The following SBNO1 variants were observed in gnomAD, a reference collection of about 807,000 sequenced individuals.
The protein encoded by SBNO1 is protein strawberry notch homolog 1.
A neutral mutation model predicts 173.6 loss-of-function variants in SBNO1; 23 were observed. The ratio of observed to expected loss-of-function variants is 0.13; its 90% CI spans 0.10 to 0.19. SBNO1 has a LOEUF of 0.19. Among genes scored for constraint, SBNO1 ranks in the 10% least tolerant of loss-of-function variants. The pLI is 1.00. For synonymous variants in SBNO1, 632 were observed against 571.5 expected (o/e 1.11, Z -1.51); for missense variants, 1,238 against 1,671.2 (o/e 0.74, Z 4.52).
At chr12:123,307,146 G>A (rs1302231430) in intron 28 of SBNO1, among the ~76,000 whole-genome samples, 3 of 150,250 alleles carry the variant, frequency 2.0e-5, no homozygotes, top group African/African-American at 4.9e-5. Flanking sequence ...CCATGATCAC[G>A]CACGCCACTG....
rs183544398 is a variant in SBNO1 at position 123,310,969 on chromosome 12, T to C, written c.3295+86A>G. 9.0e-4 allele frequency: 902 copies of C among 1,003,308 alleles called. 1 individual carries two copies. Among genetic ancestry groups the C allele is most frequent in the Middle Eastern group, 2.7e-3 (13 of 4,816 alleles). 62.2% of individuals were successfully genotyped at this position (1,003,308 alleles called of 1,614,324 possible). A position where few individuals can be genotyped will look rare whatever the true frequency, so the allele number is the denominator to read the frequency against. On this transcript the variant is annotated intron_variant, in intron 25 of 31. Coordinates refer to ENST00000602398, the MANE Select transcript of SBNO1 (RefSeq NM_001167856.3). ...CCAGAATGTTTTAAGAACATGAAGC[T>C]TCCCCTTCAGCTCAAAAGCATATAT...
chr12:123,346,685 T>C (rs1249884470), intron 3 of SBNO1, among the ~76,000 whole-genome samples: 1 of 150,886 alleles, frequency 6.6e-6, no homozygotes, highest in Non-Finnish European at 1.5e-5. Context: ...AATAAAAGAA[T>C]AAAAATAATA....
intron 25 of SBNO1, 108 bp downstream of exon 25, chr12:123,310,947 G>C: frequency 1.2e-6 from 1 of 836,546 alleles, no homozygotes; most frequent in South Asian, 1.5e-5. Flanking sequence ...AAACCACCCA[G>C]AATGTTTTAA....
chr12:123,331,815 C>T (rs928002622), intron 7 of SBNO1, among the ~76,000 whole-genome samples: 3 of 151,924 alleles, frequency 2.0e-5, no homozygotes, highest in Non-Finnish European at 4.4e-5. Flanking sequence ...GCACTGCACC[C>T]AGCCAAATTT....
chr12:123,336,479 C>G lies in SBNO1; in HGVS notation c.664G>C (p.Val222Leu). The G allele has an allele frequency of 6.2e-7, 1 of 1,610,334 alleles. No individual in the cohort carries two copies. Among genetic ancestry groups the G allele is most frequent in the Non-Finnish European group, 8.5e-7 (1 of 1,177,742 alleles). ...SFSPTMKVPV[V>L]KEDDEPEEED... ...TCCTCTGGTTCATCATCTTCTTTTACAACAGGAACCTTCTGCAACACAGAA... is the reference window on the plus strand; with the variant it reads ...TCCTCTGGTTCATCATCTTCTTTTAGAACAGGAACCTTCTGCAACACAGAA... The change falls in exon 6 of 32, where the codon GTA (valine) becomes CTA (leucine). Residue 222 changes from valine to leucine, a missense_variant. Transcript: ENST00000602398.
chr12:123,333,849 T>TA (rs1176980113), intron 7 of SBNO1, among the ~76,000 whole-genome samples: 1 of 152,166 alleles, frequency 6.6e-6, no homozygotes, highest in Admixed American at 6.6e-5. Context: ...TCCAAGCAAG[T>TA]TATAACATTT....
At chr12:123,340,581 C>CAA (rs752794679) in intron 5 of SBNO1, among the ~76,000 whole-genome samples, 3,287 of 46,280 alleles carry the variant, frequency 0.071, 237 homozygotes, top group Non-Finnish European at 0.1. Flanking sequence ...GACTCTGTCT[C>CAA]AAAAAAAAAA....
chr12:123,302,783 TA>T (rs770856469), intron 30 of SBNO1, 40 bp downstream of exon 30: 3 of 1,374,018 alleles, frequency 2.2e-6, no homozygotes, highest in Non-Finnish European at 2.1e-6. Flanking sequence ...AAATCTCAAT[TA>T]AATTTTGGAA....
At chr12:123,318,997 T>C (rs1251326955) in intron 20 of SBNO1, among the ~76,000 whole-genome samples, 1 of 147,184 alleles carries the variant, frequency 6.8e-6, no homozygotes, top group Non-Finnish European at 1.5e-5. Flanking sequence ...ACAGTCTCAC[T>C]CTGCTGCCCA....
At chr12:123,339,222 C>A (rs1872247089) in intron 5 of SBNO1, among the ~76,000 whole-genome samples, 1 of 152,108 alleles carries the variant, frequency 6.6e-6, no homozygotes, top group Non-Finnish European at 1.5e-5. Context: ...TATTCTAGAA[C>A]CAAGTCCCAA....
At chr12:123,302,940 T>C (rs781571810) in intron 29 of SBNO1, 40 bp from the exon 30 acceptor site, 2 of 1,473,014 alleles carry the variant, frequency 1.4e-6, no homozygotes, top group South Asian at 1.1e-5. Flanking sequence ...ACAGTATTGC[T>C]TTAAATAAAC....
Position 123,321,562 on chromosome 12 carries a change from C to T in SBNO1, c.2296G>A (p.Asp766Asn). Residue 766 changes from aspartate to asparagine, a missense_variant, in exon 17 of 32, where the codon GAT becomes AAT. Coordinates refer to ENST00000602398, the MANE Select transcript of SBNO1 (RefSeq NM_001167856.3). The stretch of plus-strand genomic sequence containing the variant: ...TTTTCATCATCCTCATTAGACTCAT[C>T]TAAAAATGGGTTGAAATCGTCATCA... ...GDDDDFNPFL[D>N]ESNEDDENDP... The T allele has an allele frequency of 1.9e-6, 3 of 1,613,590 alleles. No individual in the cohort carries two copies. The highest frequency in any genetic ancestry group is 2.5e-6 in the Non-Finnish European group (3 of 1,179,530).
At chr12:123,310,605 G>A (rs1472450880) in intron 25 of SBNO1, among the ~76,000 whole-genome samples, 1 of 151,468 alleles carries the variant, frequency 6.6e-6, no homozygotes. Flanking sequence ...TGCAATCTCG[G>A]CTCACTGCAA....
At chr12:123,307,081 T>TA (rs1204876700) in intron 28 of SBNO1, among the ~76,000 whole-genome samples, 2 of 146,342 alleles carry the variant, frequency 1.4e-5, no homozygotes, top group Middle Eastern at 3.6e-3. Context: ...CCCAGCTACT[T>TA]AAGAGGCTGA....
chr12:123,321,260 T>C (rs1390499192), intron 17 of SBNO1, among the ~76,000 whole-genome samples: 2 of 152,154 alleles, frequency 1.3e-5, no homozygotes, highest in Non-Finnish European at 2.9e-5. Flanking sequence ...TATTGTTAAC[T>C]GATAACTTAT....
At chr12:123,344,235 A>C (rs1477926434) in intron 4 of SBNO1, among the ~76,000 whole-genome samples, 3 of 152,184 alleles carry the variant, frequency 2.0e-5, no homozygotes, top group Admixed American at 2.0e-4. Context: ...CCTGCACCTC[A>C]GCCAGGTCAG....
chr12:123,296,175 A>G (rs1333044143), intron 31 of SBNO1, 125 bp from the exon 32 acceptor site: 2 of 605,684 alleles, frequency 3.3e-6, no homozygotes, highest in Admixed American at 2.8e-5. Flanking sequence ...ACAAAAATTA[A>G]ACGACTACCT....
At chr12:123,314,295 T>C (rs924750764) in intron 23 of SBNO1, among the ~76,000 whole-genome samples, 5 of 151,302 alleles carry the variant, frequency 3.3e-5, no homozygotes, top group African/African-American at 7.3e-5. Context: ...GCCTCCCAAG[T>C]AGCTGGGATT....
chr12:123,318,902 A>C (rs1593355160), intron 20 of SBNO1, among the ~76,000 whole-genome samples: 1 of 152,132 alleles, frequency 6.6e-6, no homozygotes, highest in Admixed American at 6.6e-5. Context: ...GGACACACAT[A>C]AATATTTTAG....
Sources: allele counts gnomAD v4.1 joint callset (sites outside exome capture counted in the v4.1 genomes callset), GRCh38; gene constraint gnomAD v4.1.1; transcripts MANE v1.5; gene names NCBI Gene and HGNC (gene_info 2026-07-23, HGNC 2026-07-21).